PDZRN4: variants seen among roughly 807,000 people sequenced by gnomAD.
PDZRN4 encodes the protein PDZ domain containing ring finger 4, also known as PDZ domain-containing RING finger protein 4.
Under a neutral mutation model 99.0 loss-of-function variants are expected in PDZRN4, and 70 were observed. The observed-to-expected ratio is 0.71, with a 90% CI of 0.58 to 0.86. The LOEUF (loss-of-function observed/expected upper bound fraction) is 0.86, where lower values mean the gene tolerates loss of function less well. Ranked by LOEUF, PDZRN4 falls within the 40% of genes least tolerant of loss-of-function variation. The pLI, the probability that PDZRN4 is intolerant of heterozygous loss-of-function variation, is 0.00. For missense variants in PDZRN4, 1,474 were observed against 1,331.2 expected, an observed-to-expected ratio of 1.11 and a Z score of -1.67; for synonymous variants, 551 against 501.6, an observed-to-expected ratio of 1.10 and a Z score of -1.32.
At chr12:41,542,560 A>G (rs1275679818) in intron 5 of PDZRN4, among the ~76,000 whole-genome samples, 1 of 152,060 alleles carries the variant, frequency 6.6e-6, no homozygotes, top group East Asian at 1.9e-4. Context: ...TGCCACCCCC[A>G]ACACACACGT....
chr12:41,341,253 T>A (rs753610408), intron 3 of PDZRN4, among the ~76,000 whole-genome samples: 27 of 151,708 alleles, frequency 1.8e-4, no homozygotes, highest in Non-Finnish European at 3.5e-4. Context: ...GTAGCTAACA[T>A]CATACTGAAT....
chr12:41,353,058 A>AG (rs1419870124), intron 3 of PDZRN4, among the ~76,000 whole-genome samples: 1 of 151,708 alleles, frequency 6.6e-6, no homozygotes, highest in Non-Finnish European at 1.5e-5. Flanking sequence ...CGAAGAGAGA[A>AG]AGGCATTTCA....
chr12:41,489,214 G>A (rs935587256), intron 3 of PDZRN4, among the ~76,000 whole-genome samples: 2 of 152,054 alleles, frequency 1.3e-5, no homozygotes, highest in African/African-American at 4.8e-5. Context: ...CTAGTCTAGG[G>A]AATATTTGGC....
chr12:41,427,670 T>G (rs950363467), intron 3 of PDZRN4, among the ~76,000 whole-genome samples: 1 of 152,164 alleles, frequency 6.6e-6, no homozygotes, highest in Non-Finnish European at 1.5e-5. Flanking sequence ...GATTTTTTGG[T>G]GCTAATGTTT....
rs141473298 is a variant in PDZRN4, at chr12:41,219,161, G to A, written c.843+24973G>A. 3.5e-3 allele frequency among the ~76,000 whole-genome samples: 526 copies of A among 152,156 alleles called. 4 individuals are homozygous for A. The highest frequency in any genetic ancestry group is 0.012 in the African/African-American group (500 of 41,506). On this transcript the variant is annotated intron_variant, in intron 3 of 9. Coordinates refer to ENST00000402685, the MANE Select transcript of PDZRN4 (RefSeq NM_001164595.2). ...TGCCTTTCAGGGTTGAAGGTGATTA[G>A]AGAATTACAGCACTGGGTTTTTCAC...
At chr12:41,531,676 T>C (rs1938664457) in intron 5 of PDZRN4, among the ~76,000 whole-genome samples, 2 of 152,208 alleles carry the variant, frequency 1.3e-5, no homozygotes. Context: ...CCCCACTTCC[T>C]TATCATTTAA....
intron 3 of PDZRN4, among the ~76,000 whole-genome samples, chr12:41,246,420 A>C (rs1011651657): frequency 2.6e-5 from 4 of 152,178 alleles, no homozygotes; most frequent in Non-Finnish European, 5.9e-5. Context: ...CTGTGTGGAT[A>C]GGTATGGATG....
At chr12:41,502,590 A>T (rs900360551) in intron 3 of PDZRN4, among the ~76,000 whole-genome samples, 5 of 152,148 alleles carry the variant, frequency 3.3e-5, no homozygotes, top group African/African-American at 9.6e-5. Flanking sequence ...CTAGCAAAAG[A>T]TCTTCCCACC....
chr12:41,243,060 T>C (rs1951110756), intron 3 of PDZRN4, among the ~76,000 whole-genome samples: 1 of 152,254 alleles, frequency 6.6e-6, no homozygotes, highest in Non-Finnish European at 1.5e-5. Flanking sequence ...CTTTGTCTGT[T>C]ACTTCTGCCT....
At chr12:41,209,918 C>A (rs1473018426) in intron 3 of PDZRN4, among the ~76,000 whole-genome samples, 1 of 149,260 alleles carries the variant, frequency 6.7e-6, no homozygotes, top group Non-Finnish European at 1.5e-5. Flanking sequence ...TGAGGAATCA[C>A]CACACTGACT....
chr12:41,226,016 T>G (rs960804192), intron 3 of PDZRN4, among the ~76,000 whole-genome samples: 4 of 152,130 alleles, frequency 2.6e-5, no homozygotes, highest in African/African-American at 9.7e-5. Context: ...TTACCCATTC[T>G]GAGTCTCTTT....
intron 5 of PDZRN4, among the ~76,000 whole-genome samples, chr12:41,540,256 A>AT (rs1938824823): frequency 6.6e-6 from 1 of 152,176 alleles, no homozygotes. Context: ...AACTCCAAGC[A>AT]TTTTTTAATA....
chr12:41,318,472 A>G (rs1485832089), intron 3 of PDZRN4, among the ~76,000 whole-genome samples: 1 of 152,228 alleles, frequency 6.6e-6, no homozygotes, highest in African/African-American at 2.4e-5. Context: ...ACACCCAGAG[A>G]CAAATAACAA....
intron 4 of PDZRN4, among the ~76,000 whole-genome samples, chr12:41,508,629 C>T (rs1295193547): frequency 1.3e-5 from 2 of 152,138 alleles, no homozygotes; most frequent in Non-Finnish European, 2.9e-5. Context: ...AAGGGCTATG[C>T]GGACCCAGTC....
At chr12:41,200,012 A>G (rs1210578560) in intron 3 of PDZRN4, among the ~76,000 whole-genome samples, 1 of 152,198 alleles carries the variant, frequency 6.6e-6, no homozygotes, top group Non-Finnish European at 1.5e-5. Flanking sequence ...CTAAATCTAT[A>G]AAAATAACAA....
chr12:41,492,443 G>A (rs1390764945), intron 3 of PDZRN4, among the ~76,000 whole-genome samples: 1 of 152,124 alleles, frequency 6.6e-6, no homozygotes, highest in African/African-American at 2.4e-5. Context: ...GAGAAGATTG[G>A]GAGGGGACGA....
At chr12:41,224,793 T>C (rs1270356547) in intron 3 of PDZRN4, among the ~76,000 whole-genome samples, 10 of 152,176 alleles carry the variant, frequency 6.6e-5, no homozygotes, top group Non-Finnish European at 1.2e-4. Flanking sequence ...GCAGTGGCTA[T>C]TGCTAATATT....
chr12:41,573,182 T>C lies in PDZRN4; in HGVS notation c.2403T>C (p.Gly801=), dbSNP rs755416112. 2.5e-6 allele frequency: 4 copies of C among 1,613,904 alleles called. No individual in the cohort carries two copies. In the Admixed American group the frequency reaches 6.7e-5, roughly 27 times the overall value. The change falls in exon 10 of 10, where the codon GGT becomes GGC. Residue 801 remains glycine, a synonymous_variant. Coordinates refer to ENST00000402685, the MANE Select transcript of PDZRN4 (RefSeq NM_001164595.2). ...TSTKAKTTEQ[G]CSAESKEKVL... ...CCAAAGCCAAAACCACTGAGCAAGG[T>C]TGTAGCGCTGAAAGCAAGGAGAAGG...
At chr12:41,242,378 T>C (rs1268488753) in intron 3 of PDZRN4, among the ~76,000 whole-genome samples, 7 of 152,198 alleles carry the variant, frequency 4.6e-5, no homozygotes, top group Non-Finnish European at 7.3e-5. Flanking sequence ...ATCTGATGAT[T>C]TGAACATTTA....
Sources: gnomAD v4.1 joint callset for allele counts (sites outside exome capture counted in the v4.1 genomes callset) on GRCh38, gnomAD v4.1.1 for gene constraint, MANE v1.5 for transcripts, NCBI Gene and HGNC (gene_info 2026-07-23, HGNC 2026-07-21) for gene names.